Variants in CNOT6L observed in about 807,000 individuals in gnomAD.
CNOT6L encodes the protein CCR4-NOT transcription complex subunit 6-like.
CNOT6L carries 7 observed loss-of-function variants against 64.0 expected under a neutral mutation model. The observed-to-expected ratio is 0.11, with a 90% confidence interval of 0.06 to 0.21. The LOEUF (loss-of-function observed/expected upper bound fraction) is 0.21. Among genes scored for constraint, CNOT6L ranks in the 10% least tolerant of loss-of-function variants. The pLI, the probability that CNOT6L is intolerant of heterozygous loss-of-function variation, is 1.00. For synonymous variants in CNOT6L, 193 were observed against 243.4 expected, an observed-to-expected ratio of 0.79 and a Z score of 1.93; for missense variants, 245 against 669.0, an observed-to-expected ratio of 0.37 and a Z score of 6.99.
intron 1 of CNOT6L, among the ~76,000 whole-genome samples, chr4:77,798,464 T>TA (rs1360508953): frequency 6.6e-6 from 1 of 152,152 alleles, no homozygotes; most frequent in African/African-American, 2.4e-5. Context: ...AACATTTTAA[T>TA]AGACACTTCA....
intron 1 of CNOT6L, among the ~76,000 whole-genome samples, chr4:77,797,090 A>C (rs1360773709): frequency 1.0e-5 from 1 of 99,096 alleles, no homozygotes; most frequent in Non-Finnish European, 1.9e-5. Flanking sequence ...CTGACAGAGG[A>C]AGACCTTGTC....
chr4:77,818,871 A>C, intron 1 of CNOT6L: 4 of 283,486 alleles, frequency 1.4e-5, no homozygotes, highest in East Asian at 1.0e-4. Flanking sequence ...CGGCCCCGGG[A>C]TCAGCGGCGC....
chr4:77,770,204 A>G (rs939918126), intron 4 of CNOT6L, among the ~76,000 whole-genome samples: 1 of 152,146 alleles, frequency 6.6e-6, no homozygotes, highest in South Asian at 2.1e-4. Context: ...GACCCAAATC[A>G]TTACTAAAAT....
intron 1 of CNOT6L, among the ~76,000 whole-genome samples, chr4:77,809,672 G>A (rs1484699578): frequency 1.3e-5 from 2 of 152,092 alleles, no homozygotes; most frequent in Non-Finnish European, 2.9e-5. Context: ...TTTGTATAGA[G>A]AGACATTAAG....
chr4:77,749,666 CTCTA>C (rs1270293563), intron 5 of CNOT6L, among the ~76,000 whole-genome samples: 1 of 152,144 alleles, frequency 6.6e-6, no homozygotes, highest in African/African-American at 2.4e-5. Context: ...TGAGCGAATA[CTCTA>C]TCTCACTACT....
In CNOT6L at chr4:77,742,157, A is replaced by G; in HGVS notation, c.856T>C (p.Phe286Leu). 6.2e-7 allele frequency: 1 copy of G among 1,613,412 alleles called. No homozygotes were observed. Among genetic ancestry groups the G allele is most frequent in the South Asian group, 1.1e-5 (1 of 90,980 alleles). Residue 286 changes from phenylalanine to leucine, a missense_variant, in exon 8 of 12, where the codon TTC becomes CTC. This residue lies in a region of CNOT6L where 94 missense variants were observed against 290.9 expected (regional missense o/e 0.32). Coordinates refer to ENST00000504123, the MANE Select transcript of CNOT6L (RefSeq NM_144571.3). The part of the protein sequence containing the change: ...ERKHVDGCAI[F>L]FKTEKFTLVQ... ...TTAACTTACTTTTCTGTTTTGAAGA[A>G]TATTGCACAACCATCTACATGCTTT...
chr4:77,779,581 T>A (rs1728612626), intron 1 of CNOT6L, among the ~76,000 whole-genome samples: 2 of 152,094 alleles, frequency 1.3e-5, no homozygotes, highest in Non-Finnish European at 2.9e-5. Flanking sequence ...TTTACCAATA[T>A]CTATAATATG....
At chr4:77,751,029 G>A (rs1250095854) in intron 5 of CNOT6L, among the ~76,000 whole-genome samples, 1 of 152,126 alleles carries the variant, frequency 6.6e-6, no homozygotes, top group East Asian at 1.9e-4. Context: ...CAAGAACCAG[G>A]AAAATCACAA....
chr4:77,768,347 TC>T lies in CNOT6L; in HGVS notation c.400+4733del, dbSNP rs1727096171. Among the ~76,000 whole-genome samples, 3 of 151,256 alleles carry T rather than the reference TC, an allele frequency of 2.0e-5. No homozygotes were observed. The South Asian group carries it at 6.3e-4, about 32-fold the overall frequency. On this transcript the variant is annotated intron_variant, in intron 4 of 11. Transcript: ENST00000504123. ...AGGCATAGTGATGCACGCCTGTAAA[TC>T]CCAACTACTTGGGAAGCTGAGGCAG...
At chr4:77,729,274 A>C (rs961043943) in intron 9 of CNOT6L, among the ~76,000 whole-genome samples, 193 bp from the exon 10 acceptor site, 15 of 152,194 alleles carry the variant, frequency 9.9e-5, no homozygotes, top group African/African-American at 3.6e-4. Flanking sequence ...TACTATGGGA[A>C]TTACTCTCCT....
chr4:77,814,623 T>C (rs1180375040), intron 1 of CNOT6L, among the ~76,000 whole-genome samples: 1 of 152,152 alleles, frequency 6.6e-6, no homozygotes, highest in Non-Finnish European at 1.5e-5. Flanking sequence ...GTCCTCAGAT[T>C]AGGTTTTCAA....
intron 4 of CNOT6L, among the ~76,000 whole-genome samples, chr4:77,766,451 C>T (rs1007922006): frequency 3.3e-5 from 5 of 151,920 alleles, no homozygotes; most frequent in African/African-American, 7.2e-5. Flanking sequence ...AACAGAAGTA[C>T]GCCCAGTATT....
At chr4:77,782,017 G>GA (rs756738247) in intron 1 of CNOT6L, among the ~76,000 whole-genome samples, 62 of 152,124 alleles carry the variant, frequency 4.1e-4, no homozygotes, top group Non-Finnish European at 7.1e-4. Flanking sequence ...TCCTAAAATT[G>GA]AAAAAACACA....
chr4:77,818,921 T>A (rs1205537921), intron 1 of CNOT6L: 1 of 577,844 alleles, frequency 1.7e-6, no homozygotes. Context: ...CTGCCGCGCG[T>A]GTGCCGCACT....
chr4:77,813,731 G>GA (rs1223383032), intron 1 of CNOT6L, among the ~76,000 whole-genome samples: 1 of 152,008 alleles, frequency 6.6e-6, no homozygotes, highest in Non-Finnish European at 1.5e-5. Context: ...GAACTATGAT[G>GA]AAAAAAGGAG....
At chr4:77,819,931 G>GGCCGCC (rs781355248), upstream of CNOT6L, among the ~76,000 whole-genome samples, 2,772 of 151,832 alleles carry the variant, frequency 0.018, 41 homozygotes, top group South Asian at 0.033. Flanking sequence ...CCGCGGCCGC[G>GGCCGCC]GCCGCCGGCG....
intron 8 of CNOT6L, among the ~76,000 whole-genome samples, chr4:77,736,361 T>G (rs886326162): frequency 2.0e-5 from 3 of 152,252 alleles, no homozygotes; most frequent in African/African-American, 7.2e-5. Context: ...GAATGAGATT[T>G]CTAGCATTAG....
intron 1 of CNOT6L, among the ~76,000 whole-genome samples, chr4:77,813,071 G>A (rs1366054002): frequency 6.6e-6 from 1 of 151,178 alleles, no homozygotes; most frequent in African/African-American, 2.5e-5. Context: ...ATTTTGGACA[G>A]GGGTGATGAT....
intron 1 of CNOT6L, among the ~76,000 whole-genome samples, chr4:77,809,565 G>A (rs1004061929): frequency 2.0e-5 from 3 of 151,986 alleles, no homozygotes; most frequent in Non-Finnish European, 4.4e-5. Context: ...ACCTATAGAA[G>A]AATATACCCT....
Sources: gnomAD v4.1 joint callset for allele counts (sites outside exome capture counted in the v4.1 genomes callset) on GRCh38, gnomAD v4.1.1 for gene constraint, gnomAD v4.1.1 regional missense constraint, MANE v1.5 for transcripts, NCBI Gene and HGNC (gene_info 2026-07-23, HGNC 2026-07-21) for gene names.